The following ACSF3 variants were observed in gnomAD, a reference collection of about 807,000 sequenced individuals.
The protein encoded by ACSF3 is acyl-CoA synthetase family member 3.
Under a neutral mutation model 53.2 loss-of-function variants are expected in ACSF3, and 78 were observed. That is an observed-to-expected ratio of 1.47 (90% CI 1.22 to 1.77). The LOEUF is 1.77. ACSF3 is among the 40% of genes most tolerant of loss of function. ACSF3 has a pLI of 0.00. For missense variants in ACSF3, 937 were observed against 771.1 expected, an observed-to-expected ratio of 1.22 and a Z score of -2.55; for synonymous variants, 414 against 333.1, an observed-to-expected ratio of 1.24 and a Z score of -2.65.
chr16:89,126,667 C>G (rs1040520564), intron 7 of ACSF3, among the ~76,000 whole-genome samples: 2 of 152,154 alleles, frequency 1.3e-5, no homozygotes, highest in African/African-American at 4.8e-5. Context: ...TAGTTGTTAC[C>G]TTGCTAAATT....
At chr16:89,106,167 C>G (rs193199118) in intron 4 of ACSF3, among the ~76,000 whole-genome samples, 29 of 152,364 alleles carry the variant, frequency 1.9e-4, no homozygotes, top group African/African-American at 5.5e-4. Flanking sequence ...ATCTTCCAGA[C>G]ACTGCAGACT....
intron 2 of ACSF3, 164 bp from the exon 3 acceptor site, chr16:89,100,498 G>A: frequency 1.5e-6 from 1 of 677,702 alleles, no homozygotes; most frequent in South Asian, 1.8e-5. Context: ...TTCCAGCAGT[G>A]TGGGTGAGAA....
At chr16:89,143,987 C>G (rs1022133738) in intron 8 of ACSF3, among the ~76,000 whole-genome samples, 3 of 152,240 alleles carry the variant, frequency 2.0e-5, no homozygotes, top group Non-Finnish European at 4.4e-5. Context: ...TGGAAGCAGA[C>G]AGTTGAGGCC....
chr16:89,154,270 C>T lies in ACSF3; in HGVS notation c.*63C>T, dbSNP rs750400083. ...CAGACGTCCCCTTCACACCGAGAAC[C>T]ACGGGGGCCCGTCCAAGACCTGGCC... On this transcript the variant is annotated 3_prime_UTR_variant, in exon 11 of 11. Coordinates refer to ENST00000614302, the MANE Select transcript of ACSF3 (RefSeq NM_001243279.3). The T allele has an allele frequency of 1.4e-5, 21 of 1,505,040 alleles. No homozygotes were observed. The highest frequency in any genetic ancestry group is 1.7e-5 in the Non-Finnish European group (19 of 1,092,438). The allele number at this position is 1,505,040 out of a possible 1,614,324, so 93.2% of individuals were successfully genotyped here. A position where few individuals can be genotyped will look rare whatever the true frequency, so the allele number is the denominator to read the frequency against.
chr16:89,100,202 A>T (rs965424766), intron 2 of ACSF3, among the ~76,000 whole-genome samples: 9 of 152,240 alleles, frequency 5.9e-5, no homozygotes, highest in Non-Finnish European at 1.0e-4. Context: ...GAAGGGTCTG[A>T]GAGAGGCAGC....
intron 7 of ACSF3, among the ~76,000 whole-genome samples, chr16:89,124,999 A>C (rs993657545): frequency 2.0e-5 from 3 of 152,158 alleles, no homozygotes; most frequent in African/African-American, 7.2e-5. Flanking sequence ...GTGTGATTTC[A>C]CCAGCTTTAT....
intron 1 of ACSF3, among the ~76,000 whole-genome samples, chr16:89,094,712 G>A (rs954544498): frequency 2.6e-5 from 4 of 152,130 alleles, no homozygotes; most frequent in African/African-American, 7.2e-5. Context: ...GGGCAACATG[G>A]TGAGACCCCT....
rs11273288 is a variant in ACSF3 at position 89,100,667 on chromosome 16, C to CCCCAGGAGGCTCCTGGGAG, written c.-14_-13insCCAGGAGGCTCCTGGGAGC. 167 of 1,588,652 alleles carry CCCCAGGAGGCTCCTGGGAG rather than the reference C, an allele frequency of 1.1e-4. No homozygotes were observed. Among genetic ancestry groups the CCCCAGGAGGCTCCTGGGAG allele is most frequent in the Middle Eastern group, 1.8e-4 (1 of 5,462 alleles). ...TGTGCCTTGCCTTTCTCCAGCTCGGCCGCCTGTCAGTGCAATGCTGCCCCA... is the reference window on the plus strand; with the variant it reads ...TGTGCCTTGCCTTTCTCCAGCTCGGCCCCAGGAGGCTCCTGGGAGCGCCTGTCAGTGCAATGCTGCCCCA... On this transcript the variant is annotated 5_prime_UTR_variant, in exon 3 of 11. Transcript: ENST00000614302.
chr16:89,145,400 A>T lies in ACSF3; in HGVS notation c.1500A>T (p.Thr500=). 1 of 1,614,022 alleles carries T rather than the reference A, an allele frequency of 6.2e-7. No homozygotes were observed. Among genetic ancestry groups the T allele is most frequent in the South Asian group, 1.1e-5 (1 of 91,088 alleles). Reference sequence around the variant, plus strand: ...ACCTGCTGGCCCACCCCAGCATCACAGGTGCGTGGCCGGACTTGGGCCAGG... The same window carrying T: ...ACCTGCTGGCCCACCCCAGCATCACTGGTGCGTGGCCGGACTTGGGCCAGG... ...EWHLLAHPSI[T]DVAVIGVPDM... is the part of the protein sequence containing the mutation. Residue 500 remains threonine (T), a splice_region_variant and synonymous_variant, in exon 9 of 11, where the codon ACA becomes ACT. Transcript: ENST00000614302.
chr16:89,110,344 C>G (rs1247766791), intron 4 of ACSF3, among the ~76,000 whole-genome samples: 2 of 152,168 alleles, frequency 1.3e-5, no homozygotes, highest in East Asian at 3.8e-4. Context: ...GAGGTAGGGT[C>G]TAGGAGTCAC....
chr16:89,134,264 G>T (rs1909954622), intron 8 of ACSF3, among the ~76,000 whole-genome samples: 1 of 152,004 alleles, frequency 6.6e-6, no homozygotes, highest in African/African-American at 2.4e-5. Flanking sequence ...GGAATCTTGG[G>T]CCATGCGGTA....
In ACSF3 at chr16:89,095,715, G is replaced by T. The variant is rs10163304; in HGVS notation, c.-194+1719G>T. Among the ~76,000 whole-genome samples the T allele has an allele frequency of 3.4e-3, 522 of 152,288 alleles. 4 individuals carry two copies. Among genetic ancestry groups the T allele is most frequent in the African/African-American group, 0.012 (493 of 41,554 alleles). On this transcript the variant is annotated intron_variant, in intron 1 of 10. Coordinates refer to ENST00000614302, the MANE Select transcript of ACSF3 (RefSeq NM_001243279.3). The stretch of plus-strand genomic sequence containing the variant: ...ATTCTCATCTAGTAATTTTTGTTGC[G>T]AGGCTCCATGGGGAGCACCCTGCTG...
intron 10 of ACSF3, chr16:89,149,834 C>G (rs1043976523): frequency 6.6e-6 from 1 of 151,310 alleles, no homozygotes; most frequent in Admixed American, 6.6e-5. Context: ...AGTGGGCAAA[C>G]AGGAATAGAA....
rs1214680190 is a variant in ACSF3 at position 89,154,709 on chromosome 16, A to G, written c.*502A>G. The G allele has an allele frequency of 2.2e-6, 1 of 454,170 alleles. No individual in the cohort carries two copies. The highest frequency in any genetic ancestry group is 1.6e-5 in the South Asian group (1 of 64,480). The allele number at this position is 454,170 out of a possible 1,614,324, so 28.1% of individuals were successfully genotyped here. A position where few individuals can be genotyped will look rare whatever the true frequency, so the allele number is the denominator to read the frequency against. On this transcript the variant is annotated 3_prime_UTR_variant, in exon 11 of 11. Coordinates refer to ENST00000614302, the MANE Select transcript of ACSF3 (RefSeq NM_001243279.3). ...CTCCTGGGAGGAGCTGAGGGTTCACAAGCCTCCCAGAACCAGCCCTGTCCC... is the reference window on the plus strand; with the variant it reads ...CTCCTGGGAGGAGCTGAGGGTTCACGAGCCTCCCAGAACCAGCCCTGTCCC...
At chr16:89,128,103 C>CT (rs1191307337) in intron 7 of ACSF3, among the ~76,000 whole-genome samples, 4 of 151,622 alleles carry the variant, frequency 2.6e-5, no homozygotes, top group African/African-American at 9.7e-5. Context: ...TTGCTTCTGG[C>CT]TTTTCTCTTT....
At position 89,111,156 on chromosome 16, in the gene ACSF3, G is replaced by A. The variant is rs147702389; in HGVS notation, c.823-936G>A. 5.0e-3 allele frequency among the ~76,000 whole-genome samples: 759 copies of A among 152,346 alleles called. 6 individuals carry two copies. Among genetic ancestry groups the A allele is most frequent in the Non-Finnish European group, 8.1e-3 (554 of 68,038 alleles). On this transcript the variant is annotated intron_variant, in intron 4 of 10. Coordinates refer to ENST00000614302, the MANE Select transcript of ACSF3 (RefSeq NM_001243279.3). ...AAGGGCCTTGTCTGGTGATTCGGACGTTTGGATTTCCTGAGACTTCTTCCC... is the reference window on the plus strand; with the variant it reads ...AAGGGCCTTGTCTGGTGATTCGGACATTTGGATTTCCTGAGACTTCTTCCC...
rs993327777 is a variant in ACSF3 at position 89,098,598 on chromosome 16, A to G, written c.-186A>G. The stretch of plus-strand genomic sequence containing the variant: ...ACAGATGCCCGTTGACAGGTGTCCC[A>G]CCGGCCTTCCGGGTTCCAGCGCCAG... On this transcript the variant is annotated 5_prime_UTR_variant, in exon 2 of 11. Coordinates refer to ENST00000614302, the MANE Select transcript of ACSF3 (RefSeq NM_001243279.3). 9 of 452,152 alleles carry G rather than the reference A, an allele frequency of 2.0e-5. No homozygotes were observed. The highest frequency in any genetic ancestry group is 1.8e-4 in the African/African-American group (9 of 49,984). The allele number at this position is 452,152 out of a possible 1,614,324, so 28.0% of individuals were successfully genotyped here.
At position 89,114,319 on chromosome 16, in the gene ACSF3, C is replaced by T; in HGVS notation, c.978-20C>T. 10 of 1,613,832 alleles carry T rather than the reference C, an allele frequency of 6.2e-6. No homozygotes were observed. The highest frequency in any genetic ancestry group is 2.2e-5 in the East Asian group (1 of 44,890). On this transcript the variant is annotated intron_variant, in intron 5 of 10. Coordinates refer to ENST00000614302, the MANE Select transcript of ACSF3 (RefSeq NM_001243279.3). ...GCCACGTCCCAAGGGGCTAAACCTGCCTTTGGTTGTGCCGCGTAGGCTGAT... is the reference window on the plus strand; with the variant it reads ...GCCACGTCCCAAGGGGCTAAACCTGTCTTTGGTTGTGCCGCGTAGGCTGAT...
chr16:89,154,307 T>A lies in ACSF3; in HGVS notation c.*100T>A. 9.1e-7 allele frequency: 1 copy of A among 1,101,982 alleles called. No homozygotes were observed. The highest frequency in any genetic ancestry group is 1.3e-5 in the South Asian group (1 of 77,264). 68.3% of individuals were successfully genotyped at this position (1,101,982 alleles called of 1,614,324 possible). A position where few individuals can be genotyped will look rare whatever the true frequency, so the allele number is the denominator to read the frequency against. On this transcript the variant is annotated 3_prime_UTR_variant, in exon 11 of 11. Coordinates refer to ENST00000614302, the MANE Select transcript of ACSF3 (RefSeq NM_001243279.3). ...TCCAAGACCTGGCCTCCCTTAAACC[T>A]GAACCCCCCAAATCAGGTCACGTAG...
Sources: allele counts gnomAD v4.1 joint callset (sites outside exome capture counted in the v4.1 genomes callset), GRCh38; gene constraint gnomAD v4.1.1; transcripts MANE v1.5; gene names NCBI Gene and HGNC (gene_info 2026-07-23, HGNC 2026-07-21).